Variants in RBPMS observed in about 807,000 individuals in gnomAD.
RBPMS encodes RNA binding protein, mRNA processing factor.
RBPMS carries 7 observed loss-of-function variants against 26.8 expected under a neutral mutation model. The observed-to-expected ratio is 0.26, with a 90% CI of 0.15 to 0.49. RBPMS has a LOEUF of 0.49. Ranked by LOEUF, RBPMS falls within the 20% of genes least tolerant of loss-of-function variation. The pLI, the probability that RBPMS is intolerant of heterozygous loss-of-function variation, is 0.98. For synonymous variants in RBPMS, 96 were observed against 93.3 expected (o/e 1.03, Z -0.17); for missense variants, 186 against 250.0 (o/e 0.74, Z 1.73).
chr8:30,557,370 A>G (rs1827032633), intron 6 of RBPMS, among the ~76,000 whole-genome samples: 1 of 152,022 alleles, frequency 6.6e-6, no homozygotes, highest in African/African-American at 2.4e-5. Flanking sequence ...ATTTCTAGAC[A>G]TCCCTGCTTT....
At chr8:30,387,179 A>G (rs1188028948) in intron 1 of RBPMS, 1 of 152,162 alleles carries the variant, frequency 6.6e-6, no homozygotes, top group East Asian at 1.9e-4. Context: ...TTGTTATGTA[A>G]AAAGTAAGGG....
chr8:30,538,444 G>A (rs931947762), intron 5 of RBPMS, among the ~76,000 whole-genome samples: 2 of 152,064 alleles, frequency 1.3e-5, no homozygotes, highest in African/African-American at 2.4e-5. Context: ...TAGTAGAGAC[G>A]GGGTTCTCAC....
At chr8:30,517,506 C>A (rs1013105829) in intron 5 of RBPMS, among the ~76,000 whole-genome samples, 3 of 152,050 alleles carry the variant, frequency 2.0e-5, no homozygotes, top group Non-Finnish European at 4.4e-5. Context: ...AATTAAATAG[C>A]CCTCAGAAGG....
At chr8:30,444,490 C>T (rs2087821854) in intron 1 of RBPMS, among the ~76,000 whole-genome samples, 1 of 152,154 alleles carries the variant, frequency 6.6e-6, no homozygotes. Flanking sequence ...ACCATTTGAA[C>T]AGGGCCTGGC....
At chr8:30,536,120 ATC>A (rs1423332182) in intron 5 of RBPMS, among the ~76,000 whole-genome samples, 5 of 145,604 alleles carry the variant, frequency 3.4e-5, no homozygotes, top group Admixed American at 6.9e-5. Flanking sequence ...ATAAGAGATC[ATC>A]TCTCTCTTTT....
chr8:30,409,051 G>A (rs1242082584), intron 1 of RBPMS, among the ~76,000 whole-genome samples: 2 of 152,148 alleles, frequency 1.3e-5, no homozygotes, highest in South Asian at 2.1e-4. Flanking sequence ...GAATGATACC[G>A]CCATTGTATG....
intron 6 of RBPMS, chr8:30,544,932 G>A (rs1825748022): frequency 3.4e-6 from 5 of 1,475,876 alleles, no homozygotes; most frequent in South Asian, 2.8e-5. Context: ...CTAGCTAGAG[G>A]GCATCACCAG....
intron 5 of RBPMS, among the ~76,000 whole-genome samples, chr8:30,521,013 T>G (rs749535290): frequency 1.3e-5 from 2 of 152,144 alleles, no homozygotes; most frequent in Non-Finnish European, 2.9e-5. Flanking sequence ...GAAAAGAAAT[T>G]TATCTTGTAA....
At chr8:30,415,456 A>T (rs1336844055) in intron 1 of RBPMS, among the ~76,000 whole-genome samples, 2 of 152,148 alleles carry the variant, frequency 1.3e-5, no homozygotes, top group Non-Finnish European at 2.9e-5. Context: ...AACTGTGTCC[A>T]CTTGCCAGAT....
chr8:30,540,038 G>T (rs1439409255), intron 5 of RBPMS, among the ~76,000 whole-genome samples: 1 of 152,216 alleles, frequency 6.6e-6, no homozygotes, highest in Non-Finnish European at 1.5e-5. Flanking sequence ...GGAGGTGCAG[G>T]ATGTGGTGGA....
chr8:30,548,991 GCA>G (rs1826078379), intron 6 of RBPMS, among the ~76,000 whole-genome samples: 1 of 152,244 alleles, frequency 6.6e-6, no homozygotes, highest in Non-Finnish European at 1.5e-5. Flanking sequence ...ACCTCAGTGC[GCA>G]CACAGCTCCT....
In RBPMS at chr8:30,494,558, G is replaced by A. The variant is rs187205692; in HGVS notation, c.247-9728G>A. On this transcript the variant is annotated intron_variant, in intron 4 of 8. Transcript: ENST00000397323. ...AAACAGTATATCCAAGGTCAATACT[G>A]GAGTAGTATTTGAATCTAGGAAGTC... Among the ~76,000 whole-genome samples, 266 of 152,298 alleles carry A rather than the reference G, an allele frequency of 1.7e-3. 4 individuals are homozygous for A. Among genetic ancestry groups the A allele is most frequent in the East Asian group, 9.6e-4 (5 of 5,188 alleles).
chr8:30,453,148 A>C (rs1168475979), intron 1 of RBPMS, among the ~76,000 whole-genome samples: 1 of 152,172 alleles, frequency 6.6e-6, no homozygotes, highest in Non-Finnish European at 1.5e-5. Flanking sequence ...CCTTACTTAG[A>C]GTATCCAGGA....
At chr8:30,503,301 A>G (rs1411140430) in intron 4 of RBPMS, among the ~76,000 whole-genome samples, 1 of 152,012 alleles carries the variant, frequency 6.6e-6, no homozygotes, top group Non-Finnish European at 1.5e-5. Flanking sequence ...CCCAGGCTGG[A>G]GTGCAATGGC....
Position 30,551,899 on chromosome 8 carries a change from G to T in RBPMS, c.529-6988G>T, listed in dbSNP as rs546467626. Among the ~76,000 whole-genome samples the T allele has an allele frequency of 4.6e-5, 7 of 152,280 alleles. No homozygotes were observed. In the South Asian group the frequency reaches 1.5e-3, roughly 32 times the overall value. Reference sequence around the variant, plus strand: ...ATGGGAAGAATGAACATCTCCATGGGTTTATTTTGCAGAAAACAGTAAGAT... The same window carrying T: ...ATGGGAAGAATGAACATCTCCATGGTTTTATTTTGCAGAAAACAGTAAGAT... On this transcript the variant is annotated intron_variant, in intron 6 of 8. Coordinates refer to ENST00000397323, the MANE Select transcript of RBPMS (RefSeq NM_001008710.3).
intron 6 of RBPMS, among the ~76,000 whole-genome samples, chr8:30,548,380 T>G (rs1826030799): frequency 6.6e-6 from 1 of 152,036 alleles, no homozygotes; most frequent in South Asian, 2.1e-4. Context: ...CCATACACCC[T>G]GTACTTCAGG....
At chr8:30,550,454 A>G (rs1157667710) in intron 6 of RBPMS, among the ~76,000 whole-genome samples, 2 of 152,308 alleles carry the variant, frequency 1.3e-5, no homozygotes, top group South Asian at 2.1e-4. Flanking sequence ...AGGATCTTTT[A>G]AGGGGCACTT....
chr8:30,469,221 G>C (rs543867288), intron 1 of RBPMS, among the ~76,000 whole-genome samples: 1 of 152,270 alleles, frequency 6.6e-6, no homozygotes, highest in South Asian at 2.1e-4. Context: ...TTAAAGAGAG[G>C]GCCATTTCAA....
At chr8:30,549,679 A>C (rs2151062404) in intron 6 of RBPMS, 1 of 893,576 alleles carries the variant, frequency 1.1e-6, no homozygotes, top group East Asian at 2.5e-5. Flanking sequence ...GCCTCCTGTG[A>C]GAGTGGGCTG....
Sources: gnomAD v4.1 joint callset for allele counts (sites outside exome capture counted in the v4.1 genomes callset) on GRCh38, gnomAD v4.1.1 for gene constraint, MANE v1.5 for transcripts, NCBI Gene and HGNC (gene_info 2026-07-23, HGNC 2026-07-21) for gene names.